LRP1B: variants seen among roughly 807,000 people sequenced by gnomAD.
LRP1B encodes LDL receptor related protein 1B, also known as low-density lipoprotein receptor-related protein 1B.
LRP1B carries 217 observed loss-of-function variants against 556.6 expected under a neutral mutation model. That is an observed-to-expected ratio of 0.39 (90% CI 0.35 to 0.44). LRP1B has a LOEUF of 0.44. Among genes scored for constraint, LRP1B ranks in the 20% least tolerant of loss-of-function variants. The probability of loss-of-function intolerance (pLI) is 1.00; values close to 1 mark genes in which losing one functional copy is unlikely to be tolerated. For synonymous variants in LRP1B, 2,047 were observed against 1,865.8 expected (o/e 1.10, Z -2.50); for missense variants, 5,053 against 5,620.8 (o/e 0.90, Z 3.23).
At chr2:140,402,949 A>G (rs893439411) in intron 66 of LRP1B, among the ~76,000 whole-genome samples, 2 of 152,184 alleles carry the variant, frequency 1.3e-5, no homozygotes, top group African/African-American at 4.8e-5. Flanking sequence ...GAGAGGGTGT[A>G]CTTGCCCACA....
chr2:140,913,780 G>C (rs1345881070), intron 21 of LRP1B, among the ~76,000 whole-genome samples: 1 of 151,762 alleles, frequency 6.6e-6, no homozygotes, highest in Non-Finnish European at 1.5e-5. Context: ...GTTTATAATA[G>C]AGTTATAGGT....
At chr2:141,211,130 G>A (rs1268861833) in intron 6 of LRP1B, among the ~76,000 whole-genome samples, 2 of 151,852 alleles carry the variant, frequency 1.3e-5, no homozygotes, top group African/African-American at 2.4e-5. Flanking sequence ...TGGGATTACA[G>A]GCACCCACTA....
chr2:141,728,295 C>T (rs1182950067), intron 2 of LRP1B, among the ~76,000 whole-genome samples: 2 of 152,074 alleles, frequency 1.3e-5, no homozygotes, highest in Non-Finnish European at 2.9e-5. Flanking sequence ...GACATAAATG[C>T]CTGGCCCTCT....
At chr2:141,192,688 A>T (rs1681570656) in intron 6 of LRP1B, among the ~76,000 whole-genome samples, 1 of 151,820 alleles carries the variant, frequency 6.6e-6, no homozygotes, top group Non-Finnish European at 1.5e-5. Context: ...TTAATTGTCA[A>T]AAGTTAGTGA....
At chr2:140,978,197 C>T (rs1201773956) in intron 18 of LRP1B, among the ~76,000 whole-genome samples, 1 of 152,114 alleles carries the variant, frequency 6.6e-6, no homozygotes, top group Admixed American at 6.5e-5. Flanking sequence ...GCAATTAACT[C>T]GTAAAGGCAA....
chr2:142,030,788 G>A (rs1703665158), intron 1 of LRP1B, among the ~76,000 whole-genome samples: 1 of 151,824 alleles, frequency 6.6e-6, no homozygotes, highest in African/African-American at 2.4e-5. Context: ...GCCAAGGGCA[G>A]CCCTTGGTTA....
chr2:140,625,945 C>A (rs577738118), intron 41 of LRP1B, among the ~76,000 whole-genome samples: 7 of 152,072 alleles, frequency 4.6e-5, no homozygotes, highest in African/African-American at 1.7e-4. Context: ...CAGCTTTATT[C>A]GCAATTGCCA....
intron 1 of LRP1B, among the ~76,000 whole-genome samples, chr2:141,948,662 A>G (rs1701023556): frequency 6.6e-6 from 1 of 152,100 alleles, no homozygotes; most frequent in African/African-American, 2.4e-5. Context: ...TGTTAAGTAT[A>G]AAATACTAGT....
intron 2 of LRP1B, among the ~76,000 whole-genome samples, chr2:141,712,140 T>C (rs1692384137): frequency 6.6e-6 from 1 of 152,184 alleles, no homozygotes; most frequent in South Asian, 2.1e-4. Context: ...TTTCAATGTG[T>C]TCTAATTAAT....
At chr2:141,911,301 C>T (rs191491364) in intron 1 of LRP1B, among the ~76,000 whole-genome samples, 1,629 of 152,212 alleles carry the variant, frequency 0.011, 20 homozygotes, top group Non-Finnish European at 0.018. Context: ...ACAGTTCATT[C>T]CATTTGGAGA....
chr2:140,315,834 A>G (rs1684498126), intron 82 of LRP1B, among the ~76,000 whole-genome samples: 1 of 152,128 alleles, frequency 6.6e-6, no homozygotes, highest in Admixed American at 6.6e-5. Flanking sequence ...ACATGAAGAG[A>G]GACTCTTTGA....
At chr2:140,329,203 A>G (rs1009648112) in intron 79 of LRP1B, among the ~76,000 whole-genome samples, 1 of 152,074 alleles carries the variant, frequency 6.6e-6, no homozygotes, top group Non-Finnish European at 1.5e-5. Context: ...ACTGCCAGGT[A>G]CTATGCACAG....
At chr2:140,800,191 T>C (rs1031232969) in intron 32 of LRP1B, among the ~76,000 whole-genome samples, 1 of 151,958 alleles carries the variant, frequency 6.6e-6, no homozygotes, top group Non-Finnish European at 1.5e-5. Context: ...AGGTGGGAAT[T>C]GAACAGTGAG....
intron 3 of LRP1B, among the ~76,000 whole-genome samples, chr2:141,326,668 TA>T (rs1687442971): frequency 1.3e-5 from 2 of 152,114 alleles, no homozygotes; most frequent in Admixed American, 1.3e-4. Context: ...TCTCATGTAG[TA>T]GATGAAGGCC....
intron 86 of LRP1B, among the ~76,000 whole-genome samples, chr2:140,254,172 CT>C (rs1681573462): frequency 6.6e-6 from 1 of 152,082 alleles, no homozygotes; most frequent in South Asian, 2.1e-4. Context: ...GCATATTCAA[CT>C]GCAGGTTAAT....
intron 89 of LRP1B, among the ~76,000 whole-genome samples, chr2:140,236,534 T>C (rs1680708545): frequency 6.6e-6 from 1 of 150,978 alleles, no homozygotes; most frequent in South Asian, 2.1e-4. Flanking sequence ...TGGATAATTG[T>C]ATCATTTAGC....
intron 2 of LRP1B, among the ~76,000 whole-genome samples, chr2:141,640,844 C>T (rs1183042460): frequency 6.6e-6 from 1 of 151,822 alleles, no homozygotes. Context: ...AGTCCTTGTA[C>T]TCTATTGGTT....
rs569575186 is a variant in LRP1B, at chr2:141,507,649, C to T, written c.206-27116G>A. 3.9e-5 allele frequency among the ~76,000 whole-genome samples: 6 copies of T among 152,112 alleles called. No homozygotes were observed. In the South Asian group the frequency reaches 6.2e-4, roughly 16 times the overall value. On this transcript the variant is annotated intron_variant, in intron 2 of 90. Transcript: ENST00000389484. ...ATTAAAGTGCATTAGAAATATGGTA[C>T]TCATATAAATATATTTAGATTGTAT...
intron 15 of LRP1B, among the ~76,000 whole-genome samples, chr2:140,996,373 G>A (rs908621955): frequency 6.6e-6 from 1 of 152,010 alleles, no homozygotes; most frequent in African/African-American, 2.4e-5. Context: ...AACATTTAAT[G>A]TGCCAAGTCG....
Sources: allele counts gnomAD v4.1 joint callset (sites outside exome capture counted in the v4.1 genomes callset), GRCh38; gene constraint gnomAD v4.1.1; transcripts MANE v1.5; gene names NCBI Gene and HGNC (gene_info 2026-07-23, HGNC 2026-07-21).